Variants in POLD1 observed in about 807,000 individuals in gnomAD.
The protein encoded by POLD1 is DNA polymerase delta catalytic subunit.
A neutral mutation model predicts 129.7 loss-of-function variants in POLD1; 79 were observed. The observed-to-expected ratio is 0.61, with a 90% CI of 0.51 to 0.73. POLD1 has a LOEUF of 0.73. Ranked by LOEUF, POLD1 falls within the 30% of genes least tolerant of loss-of-function variation. The pLI is 0.00. For missense variants in POLD1, 1,338 were observed against 1,595.8 expected (o/e 0.84, Z 2.75); for synonymous variants, 714 against 683.3 (o/e 1.04, Z -0.70).
chr19:50,417,679 C>G (rs1276590902), intron 26 of POLD1, among the ~76,000 whole-genome samples, 163 bp from the exon 27 acceptor site: 11 of 101,416 alleles, frequency 1.1e-4, no homozygotes, highest in South Asian at 8.4e-4. Flanking sequence ...GCTCCCCCCC[C>G]CCACCCCCCC....
Position 50,417,848 on chromosome 19 carries a change from C to T in POLD1, c.3225C>T (p.Asp1075=), listed in dbSNP as rs2039392032. ...CCCCTGCCCCCACCCGCAGCCGGGA[C>T]TGCCCCATCTTCTACATGCGCAAGA... ...LHEDVICTSR[D]CPIFYMRKKV... is the part of the protein sequence containing the mutation. The change falls in exon 27 of 27, where the codon GAC becomes GAT. Residue 1075 remains aspartate, a synonymous_variant. Transcript: ENST00000440232. 1 of 1,602,782 alleles carries T rather than the reference C, an allele frequency of 6.2e-7. No homozygotes were observed. The highest frequency in any genetic ancestry group is 1.3e-5 in the African/African-American group (1 of 74,796).
chr19:50,408,855 CTG>C lies in POLD1; in HGVS notation c.1850_1851del (p.Cys617LeufsTer17), dbSNP rs1263838094. On this transcript the variant is annotated frameshift_variant, in exon 15 of 27. Transcript: ENST00000440232. LOFTEE classifies it high-confidence loss of function. ...LYPSIMMAHN[L>X]CYTTLLRPGT... is the part of the protein sequence containing the mutation. Reference sequence around the variant, plus strand: ...CCCGTCCATCATGATGGCCCACAACCTGTGTTACACCACGCTCCTTCGGCCCG... The same window carrying C: ...CCCGTCCATCATGATGGCCCACAACCTGTTACACCACGCTCCTTCGGCCCG... 1.1e-5 allele frequency: 18 copies of C among 1,613,992 alleles called. No homozygotes were observed. The highest frequency in any genetic ancestry group is 1.5e-5 in the Non-Finnish European group (18 of 1,179,978).
chr19:50,402,461 G>C lies in POLD1; in HGVS notation c.766G>C (p.Val256Leu), dbSNP rs746195458. The change falls in exon 7 of 27, where the codon GTG (valine) becomes CTG (leucine). Residue 256 changes from valine (V) to leucine (L), a missense_variant. Val to Leu is a conservative substitution (Grantham distance 32, BLOSUM62 1). Around this residue, in one of 3 missense-constraint regions of POLD1, gnomAD observed 720 missense variants for 1,002.6 expected, o/e 0.72. Transcript: ENST00000440232. Reference protein sequence around the residue: ...ANVDFEIRFMVDTDIVGCNWL... With the variant: ...ANVDFEIRFMLDTDIVGCNWL... Reference sequence around the variant, plus strand: ...ACCCCCAGCCCCCTCCAGGTTCATGGTGGACACGGACATCGTCGGCTGCAA... The same window carrying C: ...ACCCCCAGCCCCCTCCAGGTTCATGCTGGACACGGACATCGTCGGCTGCAA... 3 of 1,612,866 alleles carry C rather than the reference G, an allele frequency of 1.9e-6. No homozygotes were observed. Among genetic ancestry groups the C allele is most frequent in the Non-Finnish European group, 2.5e-6 (3 of 1,179,570 alleles).
At chr19:50,413,935 G>A (rs2122453846) in intron 19 of POLD1, 56 bp downstream of exon 19, 7 of 1,508,156 alleles carry the variant, frequency 4.6e-6, no homozygotes, top group Non-Finnish European at 6.2e-6. Context: ...GGTACTCAGG[G>A]TGTCCCGTTC....
chr19:50,390,234 TC>T (rs2038110914), intron 1 of POLD1, among the ~76,000 whole-genome samples: 1 of 149,878 alleles, frequency 6.7e-6, no homozygotes, highest in African/African-American at 2.5e-5. Context: ...TCTTTTCTTT[TC>T]TTTTTTTTTT....
At chr19:50,404,574 C>CTTTTTTTTTTTTT (rs71182717) in intron 10 of POLD1, among the ~76,000 whole-genome samples, 7 of 77,868 alleles carry the variant, frequency 9.0e-5, no homozygotes, top group African/African-American at 1.3e-4. Flanking sequence ...TTTTCTCTTT[C>CTTTTTTTTTTTTT]TTTTTTTTTT....
In POLD1 at chr19:50,402,351, G is replaced by A. The variant is rs2122246635; in HGVS notation, c.736G>A (p.Ala246Thr). ...CACGCCCAGCTTCGCGCCCTACGAG[G>A]CCAACGTCGACTTTGAGATCCGGTA... ...LGTPSFAPYE[A>T]NVDFEIRFMV... Residue 246 changes from alanine (A) to threonine (T), a missense_variant, in exon 6 of 27, where the codon GCC (alanine) becomes ACC (threonine). Transcript: ENST00000440232. 9 of 1,611,192 alleles carry A rather than the reference G, an allele frequency of 5.6e-6. No individual in the cohort carries two copies. Among genetic ancestry groups the A allele is most frequent in the Non-Finnish European group, 7.6e-6 (9 of 1,177,828 alleles).
At position 50,398,911 on chromosome 19, in the gene POLD1, G is replaced by T; in HGVS notation, c.60G>T (p.Gly20=). The T allele has an allele frequency of 6.3e-7, 1 of 1,599,106 alleles. No homozygotes were observed. The highest frequency in any genetic ancestry group is 8.5e-7 in the Non-Finnish European group (1 of 1,174,314). The change falls in exon 2 of 27, where the codon GGG becomes GGT. Residue 20 remains glycine (G), a synonymous_variant. Transcript: ENST00000440232. ...GGGTGCCCCCAAAGCGGGCCCGTGG[G>T]GGCCTCTGGGATGATGATGATGCAC... ...GPGVPPKRAR[G]GLWDDDDAPR...
intron 1 of POLD1, among the ~76,000 whole-genome samples, chr19:50,391,857 C>T (rs1298380249): frequency 3.3e-5 from 5 of 151,550 alleles, no homozygotes; most frequent in Non-Finnish European, 7.4e-5. Context: ...GGATTATAGG[C>T]GCCCGCCACC....
At chr19:50,385,194 A>G (rs1261610630) in intron 1 of POLD1, among the ~76,000 whole-genome samples, 1 of 152,142 alleles carries the variant, frequency 6.6e-6, no homozygotes, top group Non-Finnish European at 1.5e-5. Flanking sequence ...CAGGAATAAG[A>G]ATGGAAGGAG....
intron 1 of POLD1, among the ~76,000 whole-genome samples, chr19:50,386,717 T>C (rs1311513475): frequency 6.6e-6 from 1 of 152,138 alleles, no homozygotes; most frequent in East Asian, 1.9e-4. Flanking sequence ...TGCTGGGTGA[T>C]GCTAAGGTCC....
chr19:50,417,360 C>T, intron 26 of POLD1, 91 bp downstream of exon 26: 1 of 785,258 alleles, frequency 1.3e-6, no homozygotes, highest in Admixed American at 2.2e-5. Flanking sequence ...TCCAAGGCCT[C>T]TCCTGAGCAT....
intron 14 of POLD1, among the ~76,000 whole-genome samples, chr19:50,408,499 G>A (rs564186810): frequency 7.0e-4 from 107 of 152,094 alleles, no homozygotes; most frequent in African/African-American, 2.3e-3. Context: ...TCCTGCCTCA[G>A]GCCCCTGAGT....
rs1433696636 is a variant in POLD1, at chr19:50,403,578, C to G, written c.1223C>G (p.Ser408Cys). 11 of 1,612,674 alleles carry G rather than the reference C, an allele frequency of 6.8e-6. No individual in the cohort carries two copies. The highest frequency in any genetic ancestry group is 8.5e-6 in the Non-Finnish European group (10 of 1,178,746). Residue 408 changes from serine (S) to cysteine (C), a missense_variant, in exon 10 of 27, where the codon TCT becomes TGT. Physicochemically the swap from Ser to Cys is moderately radical, Grantham distance 112. Around this residue, in one of 3 missense-constraint regions of POLD1, gnomAD observed 720 missense variants for 1,002.6 expected, o/e 0.72. Transcript: ENST00000440232. ...IQNFDLPYLI[S>C]RAQTLKVQTF... The stretch of plus-strand genomic sequence containing the variant: ...AACTTCGACCTTCCGTACCTCATCT[C>G]TCGGGCCCAGACCCTCAAGGTGAGG...
intron 1 of POLD1, among the ~76,000 whole-genome samples, chr19:50,390,157 C>T (rs1408550304): frequency 6.6e-6 from 1 of 152,030 alleles, no homozygotes; most frequent in Non-Finnish European, 1.5e-5. Context: ...AATCCACCCA[C>T]CTCAGCCTCT....
chr19:50,390,740 T>C (rs2038128911), intron 1 of POLD1, among the ~76,000 whole-genome samples: 1 of 152,146 alleles, frequency 6.6e-6, no homozygotes, highest in Non-Finnish European at 1.5e-5. Flanking sequence ...GCAGTGTTTG[T>C]GTCCCTGGGT....
intron 1 of POLD1, among the ~76,000 whole-genome samples, chr19:50,395,706 G>C (rs779879750): frequency 6.6e-6 from 1 of 151,504 alleles, no homozygotes; most frequent in African/African-American, 2.4e-5. Context: ...CTCTGTATAC[G>C]TACACTCACT....
intron 22 of POLD1, 120 bp from the exon 23 acceptor site, chr19:50,416,276 C>T: frequency 9.7e-7 from 1 of 1,035,186 alleles, no homozygotes; most frequent in South Asian, 1.5e-5. Flanking sequence ...GACCCAGGCC[C>T]CCCCCATGTC....
chr19:50,409,487 C>A lies in POLD1; in HGVS notation c.2007-32C>A, dbSNP rs746918441. On this transcript the variant is annotated intron_variant, in intron 16 of 26. Transcript: ENST00000440232. The surrounding 1 kb of genome is among the most constrained non-coding windows in gnomAD (Gnocchi z 5.8). Reference sequence around the variant, plus strand: ...AGCCCTGACCAATGCCCAGGTGCCGCCTGAGTGTGCTTTCCCCGTGTTCCC... The same window carrying A: ...AGCCCTGACCAATGCCCAGGTGCCGACTGAGTGTGCTTTCCCCGTGTTCCC... 53 of 1,613,266 alleles carry A rather than the reference C, an allele frequency of 3.3e-5. No individual in the cohort carries two copies. Among genetic ancestry groups the A allele is most frequent in the Admixed American group, 2.2e-4 (13 of 59,994 alleles).
Sources: gnomAD v4.1 joint callset for allele counts (sites outside exome capture counted in the v4.1 genomes callset) on GRCh38, gnomAD v4.1.1 for gene constraint, gnomAD v4.1.1 regional missense constraint, Gnocchi (gnomAD v3.1) non-coding constraint, MANE v1.5 for transcripts, NCBI Gene and HGNC (gene_info 2026-07-23, HGNC 2026-07-21) for gene names.